The following TTC34 variants were observed in gnomAD, a reference collection of about 807,000 sequenced individuals.
TTC34 encodes the protein tetratricopeptide repeat domain 34.
Under a neutral mutation model 40.7 loss-of-function variants are expected in TTC34, and 44 were observed. The ratio of observed to expected loss-of-function variants is 1.08; its 90% CI spans 0.85 to 1.39. The LOEUF (loss-of-function observed/expected upper bound fraction) is 1.39. Among genes scored for constraint, TTC34 ranks in the 40% most tolerant of loss-of-function variants. The pLI, the probability that TTC34 is intolerant of heterozygous loss-of-function variation, is 0.00. For synonymous variants in TTC34, 422 were observed against 398.6 expected, an observed-to-expected ratio of 1.06 and a Z score of -0.70; for missense variants, 884 against 838.0, an observed-to-expected ratio of 1.05 and a Z score of -0.68.
At chr1:2,769,894 C>G (rs1349098710) in intron 6 of TTC34, among the ~76,000 whole-genome samples, 2 of 78,150 alleles carry the variant, frequency 2.6e-5, no homozygotes, top group Non-Finnish European at 4.8e-5. Context: ...TAGCTGACAT[C>G]CTGGAGCTGC....
At chr1:2,764,299 C>G (rs1240647642) in intron 6 of TTC34, among the ~76,000 whole-genome samples, 2 of 146,500 alleles carry the variant, frequency 1.4e-5, no homozygotes, top group East Asian at 2.1e-4. Flanking sequence ...GCAGCACACA[C>G]AACCCCAGGC....
intron 6 of TTC34, among the ~76,000 whole-genome samples, chr1:2,683,483 G>C (rs1570804511): frequency 2.7e-5 from 4 of 149,776 alleles, no homozygotes; most frequent in Non-Finnish European, 3.0e-5. Context: ...CACCAGGCGA[G>C]CATCTGACAG....
chr1:2,800,189 C>G (rs1643756445), exon 2 of TTC34: 2 of 398,460 alleles, frequency 5.0e-6, no homozygotes, highest in African/African-American at 4.1e-5. Context: ...CCAGGAGTCG[C>G]TGGCCACCGG....
At chr1:2,761,323 A>G (rs1170076278) in intron 6 of TTC34, among the ~76,000 whole-genome samples, 3 of 46,400 alleles carry the variant, frequency 6.5e-5, no homozygotes, top group African/African-American at 1.7e-4. Context: ...AGCACCCACA[A>G]CCCCAGGTGA....
intron 6 of TTC34, among the ~76,000 whole-genome samples, chr1:2,648,826 G>C (rs950528314): frequency 1.3e-5 from 2 of 149,410 alleles, no homozygotes; most frequent in Non-Finnish European, 3.0e-5. Context: ...ACAGACTGGA[G>C]CAGCATTCTC....
intron 6 of TTC34, among the ~76,000 whole-genome samples, chr1:2,685,254 G>GAC (rs1640278832): frequency 6.2e-5 from 6 of 96,398 alleles, no homozygotes; most frequent in Non-Finnish European, 9.7e-5. Context: ...GTGAGCATCT[G>GAC]AGAGCCTGGA....
intron 6 of TTC34, among the ~76,000 whole-genome samples, chr1:2,772,899 C>T (rs1642478655): frequency 2.3e-5 from 3 of 128,578 alleles, no homozygotes; most frequent in Non-Finnish European, 5.3e-5. Flanking sequence ...ACCCCACACC[C>T]CCAGGTGAGC....
chr1:2,645,587 G>GGGGGCCCCC lies in TTC34; in HGVS notation c.2227-25_2227-24insGGGGGCCCC. Reference sequence around the variant, plus strand: ...TCCTGCAAGGAGGGAGGGCGGGCGGGTGCAGAGTTGTCCTAAGTAGAGAAA... The same window carrying GGGGGCCCCC: ...TCCTGCAAGGAGGGAGGGCGGGCGGGGGGGCCCCCTGCAGAGTTGTCCTAAGTAGAGAAA... On this transcript the variant is annotated intron_variant, in intron 6 of 8. Transcript: ENST00000401095. This position sits in a 1 kb window ranked among gnomAD's most constrained non-coding sequence, Gnocchi z 4.7. 4.4e-6 allele frequency: 1 copy of GGGGGCCCCC among 229,528 alleles called. No individual in the cohort carries two copies. The highest frequency in any genetic ancestry group is 8.6e-6 in the Non-Finnish European group (1 of 116,452). The allele number at this position is 229,528 out of a possible 1,614,324, so 14.2% of individuals were successfully genotyped here. A position where few individuals can be genotyped will look rare whatever the true frequency, so the allele number is the denominator to read the frequency against.
chr1:2,758,456 A>T (rs1641577621), intron 6 of TTC34, among the ~76,000 whole-genome samples: 1 of 84,186 alleles, frequency 1.2e-5, no homozygotes, highest in Non-Finnish European at 2.1e-5. Context: ...CGCACATGAC[A>T]GCCTGGAAGA....
At chr1:2,695,121 T>A (rs536161720) in intron 6 of TTC34, among the ~76,000 whole-genome samples, 1 of 120,460 alleles carries the variant, frequency 8.3e-6, no homozygotes, top group South Asian at 2.8e-4. Context: ...TACGCCAAGA[T>A]GAGCATCTGA....
chr1:2,773,144 G>T (rs528257856), intron 6 of TTC34, among the ~76,000 whole-genome samples: 1 of 148,218 alleles, frequency 6.7e-6, no homozygotes, highest in Admixed American at 6.8e-5. Context: ...ACAACCCCAG[G>T]CGAGCATCTG....
exon 9 of TTC34, chr1:2,638,839 G>A (rs2100982128): frequency 6.6e-6 from 1 of 152,448 alleles, no homozygotes; most frequent in Middle Eastern, 3.4e-3. Flanking sequence ...CAGAGGTGGT[G>A]GGCCGCGGGA....
chr1:2,683,221 G>A (rs1489282341), intron 6 of TTC34, among the ~76,000 whole-genome samples: 1 of 131,266 alleles, frequency 7.6e-6, no homozygotes. Context: ...GCCTGGGTCG[G>A]CACCCACACC....
intron 6 of TTC34, among the ~76,000 whole-genome samples, chr1:2,690,117 C>CGGACTAGAACAGCACCCACACCCAGAGG (rs1640548292): frequency 7.5e-6 from 1 of 133,232 alleles, no homozygotes; most frequent in Non-Finnish European, 1.5e-5. Context: ...GAGTATCTGA[C>CGGACTAGAACAGCACCCACACCCAGAGG]TGCCTGGAAC....
At chr1:2,694,964 A>G (rs1640792509) in intron 6 of TTC34, among the ~76,000 whole-genome samples, 1 of 151,128 alleles carries the variant, frequency 6.6e-6, no homozygotes, top group Non-Finnish European at 1.5e-5. Flanking sequence ...CCAGGTGAGC[A>G]TCTGACAGCC....
intron 6 of TTC34, among the ~76,000 whole-genome samples, chr1:2,683,877 G>A (rs61763533): frequency 1.1e-4 from 5 of 44,684 alleles, no homozygotes; most frequent in South Asian, 1.3e-3. Flanking sequence ...CCCACACCCC[G>A]AGGCGAGCAT....
chr1:2,686,556 G>C (rs1339337914), intron 6 of TTC34, among the ~76,000 whole-genome samples: 38 of 19,546 alleles, frequency 1.9e-3, no homozygotes, highest in Admixed American at 2.9e-3. Context: ...GGAACAGCAC[G>C]CACACACCCA....
intron 6 of TTC34, among the ~76,000 whole-genome samples, chr1:2,651,807 C>A (rs952637094): frequency 8.3e-4 from 126 of 152,210 alleles, no homozygotes; most frequent in Admixed American, 4.3e-3. Flanking sequence ...CCCTCCACCA[C>A]CAGGTGATCA....
chr1:2,651,757 C>A (rs1405757097), intron 6 of TTC34, among the ~76,000 whole-genome samples: 1 of 151,894 alleles, frequency 6.6e-6, no homozygotes, highest in African/African-American at 2.4e-5. Flanking sequence ...TAGAACAGCA[C>A]CCTCCACCCT....
Sources: allele counts gnomAD v4.1 joint callset (sites outside exome capture counted in the v4.1 genomes callset), GRCh38; gene constraint gnomAD v4.1.1; non-coding constraint Gnocchi (gnomAD v3.1); transcripts MANE v1.5; gene names NCBI Gene and HGNC (gene_info 2026-07-23, HGNC 2026-07-21).